Variants in HTR1F observed in about 807,000 individuals in gnomAD.
The protein encoded by HTR1F is 5-hydroxytryptamine receptor 1F, also known as 5-hydroxytryptamine (serotonin) receptor 1F, G protein-coupled.
A neutral mutation model predicts 24.0 loss-of-function variants in HTR1F; 17 were observed. The ratio of observed to expected loss-of-function variants is 0.71; its 90% CI spans 0.48 to 1.06. The LOEUF is 1.06. Among genes scored for constraint, HTR1F ranks in the 50% least tolerant of loss-of-function variants. The pLI is 0.00. For synonymous variants in HTR1F, 186 were observed against 156.8 expected (o/e 1.19, Z -1.39); for missense variants, 391 against 427.8 (o/e 0.91, Z 0.76).
chr3:87,882,217 C>A (rs79516634), intron 2 of HTR1F, among the ~76,000 whole-genome samples: 2,998 of 152,240 alleles, frequency 0.02, 37 homozygotes, highest in Non-Finnish European at 0.03. Flanking sequence ...ACAACAGGTG[C>A]TGGAGAGGAT....
At chr3:87,887,676 C>T (rs1284811614) in intron 2 of HTR1F, among the ~76,000 whole-genome samples, 1 of 152,218 alleles carries the variant, frequency 6.6e-6, no homozygotes, top group Non-Finnish European at 1.5e-5. Context: ...TGAACAGACA[C>T]TTCTCCAAAG....
intron 2 of HTR1F, among the ~76,000 whole-genome samples, chr3:87,848,609 A>G (rs1705003048): frequency 6.6e-6 from 1 of 151,878 alleles, no homozygotes; most frequent in Non-Finnish European, 1.5e-5. Flanking sequence ...AAAACAATAA[A>G]ATAATCTAAA....
At chr3:87,881,585 A>G (rs2107281640) in intron 2 of HTR1F, among the ~76,000 whole-genome samples, 1 of 152,290 alleles carries the variant, frequency 6.6e-6, no homozygotes, top group Non-Finnish European at 1.5e-5. Context: ...TCTTTGACAA[A>G]CCTGAGAAAA....
At chr3:87,823,450 A>C (rs1210253424) in intron 2 of HTR1F, among the ~76,000 whole-genome samples, 1 of 151,836 alleles carries the variant, frequency 6.6e-6, no homozygotes, top group African/African-American at 2.4e-5. Context: ...CACTTTAGGA[A>C]TACATCTTCA....
intron 2 of HTR1F, among the ~76,000 whole-genome samples, chr3:87,884,142 T>C (rs1212861892): frequency 6.6e-6 from 1 of 152,044 alleles, no homozygotes. Context: ...TAACAGTGGA[T>C]CTCTTGGCAG....
chr3:87,884,503 C>G (rs1159864799), intron 2 of HTR1F, among the ~76,000 whole-genome samples: 3 of 152,024 alleles, frequency 2.0e-5, no homozygotes, highest in Non-Finnish European at 2.9e-5. Flanking sequence ...ATAACAAGAT[C>G]AACCTTAAAT....
intron 2 of HTR1F, 81 bp from the exon 3 acceptor site, chr3:87,990,627 A>C (rs1233469545): frequency 1.5e-6 from 1 of 684,656 alleles, no homozygotes; most frequent in African/African-American, 1.8e-5. Context: ...CATAACATAC[A>C]CTTTTTAAAA....
At chr3:87,975,542 T>C (rs1487132080) in intron 2 of HTR1F, among the ~76,000 whole-genome samples, 4 of 152,314 alleles carry the variant, frequency 2.6e-5, no homozygotes, top group Non-Finnish European at 4.4e-5. Flanking sequence ...TGTGTATCTT[T>C]GCATTCCATG....
chr3:87,800,761 A>G (rs907548996), intron 1 of HTR1F, among the ~76,000 whole-genome samples: 1 of 152,204 alleles, frequency 6.6e-6, no homozygotes, highest in African/African-American at 2.4e-5. Flanking sequence ...ACCCTTGAGT[A>G]GGAGTGATTT....
At chr3:87,949,164 A>G (rs1704779562) in intron 2 of HTR1F, among the ~76,000 whole-genome samples, 1 of 151,784 alleles carries the variant, frequency 6.6e-6, no homozygotes, top group East Asian at 1.9e-4. Flanking sequence ...ACACAGACAA[A>G]CACACACACA....
rs563500214 is a variant in HTR1F, at chr3:87,833,980, C to T, written c.-43+11856C>T. Among the ~76,000 whole-genome samples, 4 of 152,224 alleles carry T rather than the reference C, an allele frequency of 2.6e-5. No individual in the cohort carries two copies. The East Asian group carries it at 7.7e-4, about 29-fold the overall frequency. Reference sequence around the variant, plus strand: ...TTAAAGAAAAATTATCTTGTTGTATCTTCAAAAATATATAGATTGGCTGCT... The same window carrying T: ...TTAAAGAAAAATTATCTTGTTGTATTTTCAAAAATATATAGATTGGCTGCT... On this transcript the variant is annotated intron_variant, in intron 2 of 2. Transcript: ENST00000319595.
chr3:87,949,707 T>G (rs1453012084), intron 2 of HTR1F, among the ~76,000 whole-genome samples: 2 of 152,200 alleles, frequency 1.3e-5, no homozygotes, highest in African/African-American at 4.8e-5. Flanking sequence ...ACCCTTCCTG[T>G]AACCACTCTA....
At chr3:87,936,333 T>C (rs1330030665) in intron 2 of HTR1F, among the ~76,000 whole-genome samples, 1 of 152,184 alleles carries the variant, frequency 6.6e-6, no homozygotes, top group African/African-American at 2.4e-5. Context: ...TAAGCAAAGA[T>C]TTGTAAATGG....
chr3:87,968,931 CA>C (rs1469572668), intron 2 of HTR1F, among the ~76,000 whole-genome samples: 1 of 152,218 alleles, frequency 6.6e-6, no homozygotes, highest in African/African-American at 2.4e-5. Flanking sequence ...CCACTCTAGC[CA>C]TGGCTAAAAG....
chr3:87,971,404 C>CA (rs1366853061), intron 2 of HTR1F, among the ~76,000 whole-genome samples: 1 of 151,856 alleles, frequency 6.6e-6, no homozygotes, highest in Non-Finnish European at 1.5e-5. Context: ...CCCGTTTCTA[C>CA]AAAAATTAGC....
intron 2 of HTR1F, among the ~76,000 whole-genome samples, chr3:87,873,730 T>C (rs1467156044): frequency 2.0e-5 from 3 of 152,190 alleles, no homozygotes; most frequent in Non-Finnish European, 4.4e-5. Flanking sequence ...TTATACATCA[T>C]GACCAAATGG....
At chr3:87,933,121 G>A (rs1425216898) in intron 2 of HTR1F, among the ~76,000 whole-genome samples, 5 of 151,674 alleles carry the variant, frequency 3.3e-5, no homozygotes, top group African/African-American at 9.7e-5. Context: ...TATCTCAATA[G>A]ATGCAGAAAA....
intron 2 of HTR1F, among the ~76,000 whole-genome samples, chr3:87,857,632 G>A (rs1160626727): frequency 2.6e-5 from 4 of 151,908 alleles, no homozygotes; most frequent in Admixed American, 2.0e-4. Context: ...GAAAAGGAAG[G>A]TACAGAGATT....
rs548999461 is a variant in HTR1F at position 87,810,575 on chromosome 3, G to A, written c.-159-11433G>A. ...CTTCTAGATAGATAGCTTTTTTGAA[G>A]GAGGTGAAATTTAATATTGTTATAT... On this transcript the variant is annotated intron_variant, in intron 1 of 2. Transcript: ENST00000319595. Among the ~76,000 whole-genome samples the A allele has an allele frequency of 1.3e-4, 20 of 152,176 alleles. No individual in the cohort carries two copies. The East Asian group carries it at 3.9e-3, about 29-fold the overall frequency.
Sources: allele counts gnomAD v4.1 joint callset (sites outside exome capture counted in the v4.1 genomes callset), GRCh38; gene constraint gnomAD v4.1.1; transcripts MANE v1.5; gene names NCBI Gene and HGNC (gene_info 2026-07-23, HGNC 2026-07-21).